FIP1L1: variants seen among roughly 807,000 people sequenced by gnomAD.
FIP1L1 encodes the protein factor interacting with PAPOLA and CPSF1, also known as pre-mRNA 3'-end-processing factor FIP1.
Under a neutral mutation model 84.6 loss-of-function variants are expected in FIP1L1, and 21 were observed. That is an observed-to-expected ratio of 0.25 (90% CI 0.18 to 0.36). FIP1L1 has a LOEUF of 0.36. FIP1L1 is among the 10% of genes least tolerant of loss of function. FIP1L1 has a pLI of 1.00. For synonymous variants in FIP1L1, 263 were observed against 242.3 expected (o/e 1.09, Z -0.80); for missense variants, 526 against 751.1 (o/e 0.70, Z 3.50).
intron 10 of FIP1L1, among the ~76,000 whole-genome samples, chr4:53,411,374 C>T (rs774500400): frequency 3.3e-5 from 5 of 152,118 alleles, no homozygotes; most frequent in South Asian, 2.1e-4. Flanking sequence ...CTGTCACTTT[C>T]GTACGTAAAG....
intron 12 of FIP1L1, among the ~76,000 whole-genome samples, chr4:53,426,227 G>A (rs1173240796): frequency 2.6e-5 from 4 of 151,908 alleles, no homozygotes; most frequent in East Asian, 1.9e-4. Flanking sequence ...AAATGCTTGG[G>A]ACCAGAAGTG....
rs1394110782 is a variant in FIP1L1, at chr4:53,405,524, G to C, written c.815+5685G>C. 1.8e-4 allele frequency among the ~76,000 whole-genome samples: 27 copies of C among 150,052 alleles called. No individual in the cohort carries two copies. In the East Asian group the frequency reaches 5.3e-3, roughly 29 times the overall value. On this transcript the variant is annotated intron_variant, in intron 10 of 17. Transcript: ENST00000337488. ...TTGGTTCCATATGAACTTTAAAGTAGTTTTTTCCAATTCTGTGAAGAAAGT... is the reference window on the plus strand; with the variant it reads ...TTGGTTCCATATGAACTTTAAAGTACTTTTTTCCAATTCTGTGAAGAAAGT...
At chr4:53,408,073 C>A (rs1454602170) in intron 10 of FIP1L1, among the ~76,000 whole-genome samples, 1 of 152,164 alleles carries the variant, frequency 6.6e-6, no homozygotes, top group Non-Finnish European at 1.5e-5. Context: ...TTAGTTGATG[C>A]AGTTTCTTCC....
intron 10 of FIP1L1, among the ~76,000 whole-genome samples, chr4:53,403,191 A>G (rs1451579778): frequency 1.3e-5 from 2 of 152,086 alleles, no homozygotes; most frequent in South Asian, 2.1e-4. Flanking sequence ...GAGAGGAATT[A>G]CAGTATTTTT....
intron 9 of FIP1L1, among the ~76,000 whole-genome samples, chr4:53,392,661 T>A (rs1460806331): frequency 6.6e-6 from 1 of 152,196 alleles, no homozygotes; most frequent in Non-Finnish European, 1.5e-5. Flanking sequence ...AAATGAGAAC[T>A]GCCATCATAA....
At chr4:53,393,757 C>G (rs1745595841) in intron 9 of FIP1L1, among the ~76,000 whole-genome samples, 3 of 30,424 alleles carry the variant, frequency 9.9e-5, no homozygotes, top group Non-Finnish European at 2.9e-4. Flanking sequence ...CATAGATTTT[C>G]CCCCCGGCCC....
rs533015237 is a variant in FIP1L1, at chr4:53,390,557, G to C, written c.434G>C (p.Gly145Ala). The C allele has an allele frequency of 2.5e-6, 4 of 1,613,326 alleles. No individual in the cohort carries two copies. The African/African-American group carries it at 5.3e-5, about 22-fold the overall frequency. The change falls in exon 7 of 18, where the codon GGA (glycine) becomes GCA (alanine). Residue 145 changes from glycine to alanine, a missense_variant. Coordinates refer to ENST00000337488, the MANE Select transcript of FIP1L1 (RefSeq NM_030917.4). The stretch of plus-strand genomic sequence containing the variant: ...AAAGGAGTAGACCTTGATGCACCTG[G>C]AAGCATTAATGGAGTTCCACTCTTA... Reference protein sequence around the residue: ...KVKGVDLDAPGSINGVPLLEV... With the variant: ...KVKGVDLDAPASINGVPLLEV...
intron 11 of FIP1L1, among the ~76,000 whole-genome samples, chr4:53,415,145 A>T (rs1758926544): frequency 6.6e-6 from 1 of 152,118 alleles, no homozygotes; most frequent in Non-Finnish European, 1.5e-5. Flanking sequence ...TATACCCACT[A>T]CAGTGCAAAA....
At chr4:53,433,776 T>C (rs571534311) in intron 13 of FIP1L1, among the ~76,000 whole-genome samples, 1 of 152,228 alleles carries the variant, frequency 6.6e-6, no homozygotes, top group Non-Finnish European at 1.5e-5. Context: ...TTTATCTAGA[T>C]ACCAGATGTG....
chr4:53,421,710 A>G (rs1449062528), intron 11 of FIP1L1, among the ~76,000 whole-genome samples: 1 of 152,242 alleles, frequency 6.6e-6, no homozygotes, highest in African/African-American at 2.4e-5. Context: ...ATAGATGTCT[A>G]CATTGATATG....
intron 11 of FIP1L1, among the ~76,000 whole-genome samples, chr4:53,421,759 C>A (rs1324556327): frequency 6.6e-6 from 1 of 152,160 alleles, no homozygotes; most frequent in South Asian, 2.1e-4. Context: ...TATAAACTTT[C>A]AAGCAATAAT....
Position 53,377,861 on chromosome 4 carries a change from G to A in FIP1L1, c.23G>A (p.Arg8His). MSAGEVE[R>H]LVSELSGGTG... ...GCCATGTCGGCCGGCGAGGTCGAGC[G>A]CCTAGTGTCGGAGCTGAGCGGCGGG... Residue 8 changes from arginine (R) to histidine (H), a missense_variant, in exon 1 of 18, where the codon CGC becomes CAC. Physicochemically the swap from Arg to His is conservative, Grantham distance 29 (BLOSUM62 0). Around this residue, in one of 6 missense-constraint regions of FIP1L1, gnomAD observed 100 missense variants for 107.2 expected, o/e 0.93. Transcript: ENST00000337488. The A allele has an allele frequency of 6.3e-7, 1 of 1,596,976 alleles. No homozygotes were observed. The highest frequency in any genetic ancestry group is 1.1e-5 in the South Asian group (1 of 88,168).
chr4:53,442,680 C>T lies in FIP1L1; in HGVS notation c.1202C>T (p.Pro401Leu). 6.2e-7 allele frequency: 1 copy of T among 1,605,820 alleles called. No homozygotes were observed. The highest frequency in any genetic ancestry group is 8.5e-7 in the Non-Finnish European group (1 of 1,172,858). The stretch of plus-strand genomic sequence containing the variant: ...TTTCCTCCTCCACCAGGCGCTCCAC[C>T]TCCATCTCTTATACCAACAATAGAA... ...PGFPPPPGAP[P>L]PSLIPTIESG... The change falls in exon 14 of 18, where the codon CCT becomes CTT. Residue 401 changes from proline (P) to leucine (L), a missense_variant. Transcript: ENST00000337488.
rs763611157 is a variant in FIP1L1 at position 53,444,057 on chromosome 4, C to G, written c.1239C>G (p.Ser413=). The G allele has an allele frequency of 6.9e-6, 11 of 1,605,446 alleles. No individual in the cohort carries two copies. The highest frequency in any genetic ancestry group is 9.4e-6 in the Non-Finnish European group (11 of 1,172,958). The change falls in exon 15 of 18, where the codon TCC becomes TCG. Residue 413 remains serine (S), a synonymous_variant. Transcript: ENST00000337488. ...SLIPTIESGH[S]SGYDSRSARA... ...TCTTTTTCTTCAACAGTGGACATTC[C>G]TCTGGTTATGATAGTCGTTCTGCAC...
intron 10 of FIP1L1, among the ~76,000 whole-genome samples, chr4:53,405,122 T>C (rs1348495566): frequency 6.6e-6 from 1 of 152,214 alleles, no homozygotes; most frequent in Non-Finnish European, 1.5e-5. Context: ...GGTTTTCTTC[T>C]AGGGTTTTTA....
At chr4:53,437,089 G>A (rs1050059520) in intron 13 of FIP1L1, among the ~76,000 whole-genome samples, 1 of 152,072 alleles carries the variant, frequency 6.6e-6, no homozygotes, top group African/African-American at 2.4e-5. Context: ...CACTTTGGGA[G>A]GCTGAGGCGG....
At chr4:53,379,914 G>T (rs529772513) in intron 3 of FIP1L1, among the ~76,000 whole-genome samples, 53 of 152,322 alleles carry the variant, frequency 3.5e-4, no homozygotes, top group African/African-American at 1.0e-3. Flanking sequence ...GGGAGAGGTA[G>T]TTAGAAGATT....
intron 5 of FIP1L1, among the ~76,000 whole-genome samples, chr4:53,384,920 ATATTT>A (rs1740112429): frequency 6.6e-6 from 1 of 152,226 alleles, no homozygotes; most frequent in Admixed American, 6.5e-5. Context: ...ATATTGTTAA[ATATTT>A]TATTAGTAGA....
chr4:53,430,397 G>A (rs1380885593), intron 13 of FIP1L1, among the ~76,000 whole-genome samples: 1 of 131,098 alleles, frequency 7.6e-6, no homozygotes, highest in Non-Finnish European at 1.5e-5. Context: ...CGCCCAGGCT[G>A]GAGTGCAGTG....
Sources: allele counts gnomAD v4.1 joint callset (sites outside exome capture counted in the v4.1 genomes callset), GRCh38; gene constraint gnomAD v4.1.1; regional missense constraint gnomAD v4.1.1; transcripts MANE v1.5; gene names NCBI Gene and HGNC (gene_info 2026-07-23, HGNC 2026-07-21).